RASAL2: variants seen among roughly 807,000 people sequenced by gnomAD.
The protein encoded by RASAL2 is ras GTPase-activating protein nGAP.
In RASAL2, 58 loss-of-function variants were observed where a neutral mutation model predicts 128.9. That is an observed-to-expected ratio of 0.45 (90% CI 0.36 to 0.56). The LOEUF (loss-of-function observed/expected upper bound fraction) is 0.56, where lower values mean the gene tolerates loss of function less well. Among genes scored for constraint, RASAL2 ranks in the 20% least tolerant of loss-of-function variants. The pLI is 0.00. For missense variants in RASAL2, 1,360 were observed against 1,601.6 expected (o/e 0.85, Z 2.57); for synonymous variants, 561 against 580.8 (o/e 0.97, Z 0.49).
chr1:178,191,878 A>C (rs563005891), intron 1 of RASAL2, among the ~76,000 whole-genome samples: 74 of 152,358 alleles, frequency 4.9e-4, no homozygotes, highest in African/African-American at 1.7e-3. Flanking sequence ...CTGAGGCTTT[A>C]ATAACAACAC....
intron 3 of RASAL2, among the ~76,000 whole-genome samples, chr1:178,334,301 T>C (rs1669477224): frequency 6.6e-6 from 1 of 152,178 alleles, no homozygotes; most frequent in South Asian, 2.1e-4. Context: ...CACAATGTTT[T>C]ATACTTGGTA....
chr1:178,403,292 G>A (rs1673769434), intron 4 of RASAL2, among the ~76,000 whole-genome samples: 1 of 152,046 alleles, frequency 6.6e-6, no homozygotes, highest in African/African-American at 2.4e-5. Flanking sequence ...GTACTTTCTT[G>A]AGTGAATTCA....
intron 1 of RASAL2, among the ~76,000 whole-genome samples, chr1:178,144,614 T>A (rs527899045): frequency 6.6e-6 from 1 of 152,202 alleles, no homozygotes; most frequent in Non-Finnish European, 1.5e-5. Context: ...TTTAAGTATT[T>A]TTGACATCTC....
At position 178,287,599 on chromosome 1, in the gene RASAL2, C is replaced by T. The variant is rs185883168; in HGVS notation, c.330+3908C>T. 9.1e-4 allele frequency among the ~76,000 whole-genome samples: 139 copies of T among 152,252 alleles called. 1 individual carries two copies. Among genetic ancestry groups the T allele is most frequent in the African/African-American group, 3.1e-3 (127 of 41,542 alleles). Reference sequence around the variant, plus strand: ...AAAATACGGAACCAGCCCAAATGCCCATCAATCAAGGGGTGGATAAAGAAA... The same window carrying T: ...AAAATACGGAACCAGCCCAAATGCCTATCAATCAAGGGGTGGATAAAGAAA... On this transcript the variant is annotated intron_variant, in intron 2 of 17. Transcript: ENST00000367649.
chr1:178,290,774 C>T (rs933113173), intron 2 of RASAL2, among the ~76,000 whole-genome samples: 1 of 152,086 alleles, frequency 6.6e-6, no homozygotes, highest in African/African-American at 2.4e-5. Flanking sequence ...CTCCTGGGTT[C>T]ACGCCATTCT....
At chr1:178,097,183 G>C (rs1304872719) in intron 1 of RASAL2, among the ~76,000 whole-genome samples, 2 of 152,130 alleles carry the variant, frequency 1.3e-5, no homozygotes, top group Non-Finnish European at 2.9e-5. Flanking sequence ...TTAGAGTATT[G>C]GTTTCATTCT....
At chr1:178,190,623 C>T (rs376834018) in intron 1 of RASAL2, among the ~76,000 whole-genome samples, 10 of 152,014 alleles carry the variant, frequency 6.6e-5, no homozygotes, top group South Asian at 6.2e-4. Flanking sequence ...ACAAGGAGTC[C>T]GTGATCTAAT....
At chr1:178,415,918 C>T (rs1674720410) in intron 4 of RASAL2, among the ~76,000 whole-genome samples, 1 of 151,962 alleles carries the variant, frequency 6.6e-6, no homozygotes. Flanking sequence ...ATATTGTTTC[C>T]ATCCATTTAC....
intron 1 of RASAL2, among the ~76,000 whole-genome samples, chr1:178,131,928 A>C (rs975258299): frequency 6.6e-6 from 1 of 152,202 alleles, no homozygotes; most frequent in Non-Finnish European, 1.5e-5. Flanking sequence ...TCCCTATACT[A>C]AAATTCCAAT....
chr1:178,244,390 G>A (rs990413925), intron 1 of RASAL2, among the ~76,000 whole-genome samples: 6 of 151,934 alleles, frequency 3.9e-5, no homozygotes, highest in East Asian at 1.9e-4. Flanking sequence ...CTACAGGCGC[G>A]TGCCACCACG....
At position 178,473,846 on chromosome 1, in the gene RASAL2, A is replaced by G. The variant is rs1012220334; in HGVS notation, c.*607A>G. 3.3e-5 allele frequency: 5 copies of G among 152,870 alleles called. No individual in the cohort carries two copies. The highest frequency in any genetic ancestry group is 1.2e-4 in the African/African-American group (5 of 41,466). The allele number at this position is 152,870 out of a possible 1,614,324, so 9.5% of individuals were successfully genotyped here. On this transcript the variant is annotated 3_prime_UTR_variant, in exon 18 of 18. Coordinates refer to ENST00000367649, the MANE Select transcript of RASAL2 (RefSeq NM_170692.4). ...AAGACTGGTTCTGGTTGGACAGCTA[A>G]TCTGATTTGGGGATTCACTGTTTCA...
chr1:178,145,456 A>G (rs551782365), intron 1 of RASAL2, among the ~76,000 whole-genome samples: 4 of 151,396 alleles, frequency 2.6e-5, no homozygotes, highest in South Asian at 4.2e-4. Context: ...TTCCCTTGCC[A>G]TAATAGCTGG....
chr1:178,361,496 T>C (rs1671105276), intron 3 of RASAL2, among the ~76,000 whole-genome samples: 1 of 152,198 alleles, frequency 6.6e-6, no homozygotes, highest in Admixed American at 6.5e-5. Flanking sequence ...CTTTTTTTAA[T>C]TGAACAGTTG....
At chr1:178,174,235 T>C (rs1211165097) in intron 1 of RASAL2, among the ~76,000 whole-genome samples, 1 of 152,088 alleles carries the variant, frequency 6.6e-6, no homozygotes, top group Non-Finnish European at 1.5e-5. Context: ...ATTTAGGTCT[T>C]ATAGCTCTTT....
At chr1:178,256,492 A>C (rs932553710) in intron 1 of RASAL2, among the ~76,000 whole-genome samples, 2 of 152,214 alleles carry the variant, frequency 1.3e-5, no homozygotes, top group African/African-American at 4.8e-5. Context: ...AATTCTAACC[A>C]GGGCAATTAG....
chr1:178,204,416 A>G (rs1452078169), intron 1 of RASAL2, among the ~76,000 whole-genome samples: 1 of 152,156 alleles, frequency 6.6e-6, no homozygotes, highest in African/African-American at 2.4e-5. Flanking sequence ...TGCACTAAGT[A>G]AGTGAAGCCT....
chr1:178,224,979 C>G (rs1002554529), intron 1 of RASAL2, among the ~76,000 whole-genome samples: 2 of 152,084 alleles, frequency 1.3e-5, no homozygotes, highest in Non-Finnish European at 2.9e-5. Context: ...CAATTATGTT[C>G]TGTGGATCAT....
At chr1:178,276,627 T>C (rs1048607615) in intron 1 of RASAL2, among the ~76,000 whole-genome samples, 7 of 151,820 alleles carry the variant, frequency 4.6e-5, no homozygotes, top group South Asian at 2.1e-4. Flanking sequence ...TCCTCCTGCC[T>C]TAGCCTCCCA....
In RASAL2 at chr1:178,225,764, C is replaced by CATAT. The variant is rs140192170; in HGVS notation, c.203-57785_203-57782dup. ...CTCCTTTCCTTTCATACTGTACATA[C>CATAT]ATATATATATATATATATCCTGTAT... On this transcript the variant is annotated intron_variant, in intron 1 of 17. Transcript: ENST00000367649. 4.2e-3 allele frequency among the ~76,000 whole-genome samples: 626 copies of CATAT among 147,398 alleles called. 6 individuals carry two copies. Among genetic ancestry groups the CATAT allele is most frequent in the African/African-American group, 0.014 (557 of 40,470 alleles).
Sources: gnomAD v4.1 joint callset for allele counts (sites outside exome capture counted in the v4.1 genomes callset) on GRCh38, gnomAD v4.1.1 for gene constraint, MANE v1.5 for transcripts, NCBI Gene and HGNC (gene_info 2026-07-23, HGNC 2026-07-21) for gene names.